MSI2: variants seen among roughly 807,000 people sequenced by gnomAD.
MSI2 encodes RNA-binding protein Musashi homolog 2.
MSI2 carries 17 observed loss-of-function variants against 45.6 expected under a neutral mutation model. That is an observed-to-expected ratio of 0.37 (90% confidence interval 0.26 to 0.56). The LOEUF (loss-of-function observed/expected upper bound fraction) is 0.56. Among genes scored for constraint, MSI2 ranks in the 20% least tolerant of loss-of-function variants. MSI2 has a pLI of 0.77. For missense variants in MSI2, 293 were observed against 444.2 expected, an observed-to-expected ratio of 0.66 and a Z score of 3.06; for synonymous variants, 156 against 158.2, an observed-to-expected ratio of 0.99 and a Z score of 0.11.
At chr17:57,678,787 C>T (rs1012492845) in intron 13 of MSI2, among the ~76,000 whole-genome samples, 2 of 152,208 alleles carry the variant, frequency 1.3e-5, no homozygotes, top group African/African-American at 4.8e-5. Flanking sequence ...TAGCAACTCA[C>T]CCCCTTCCAA....
At chr17:57,308,096 G>T (rs1461002100) in intron 5 of MSI2, among the ~76,000 whole-genome samples, 1 of 152,164 alleles carries the variant, frequency 6.6e-6, no homozygotes, top group African/African-American at 2.4e-5. Flanking sequence ...TGGAGTCCTG[G>T]CCCCACCATT....
intron 6 of MSI2, among the ~76,000 whole-genome samples, chr17:57,528,102 C>T (rs1427710075): frequency 6.6e-6 from 1 of 150,448 alleles, no homozygotes; most frequent in African/African-American, 2.4e-5. Flanking sequence ...AGTTTTACCC[C>T]CCCTACAGCC....
chr17:57,376,478 C>T (rs2083498572), intron 5 of MSI2, among the ~76,000 whole-genome samples: 1 of 152,188 alleles, frequency 6.6e-6, no homozygotes, highest in African/African-American at 2.4e-5. Context: ...CCCTGAAGGG[C>T]ACACAGTCAA....
chr17:57,516,462 T>C (rs1235501605), intron 6 of MSI2, among the ~76,000 whole-genome samples: 1 of 152,122 alleles, frequency 6.6e-6, no homozygotes, highest in African/African-American at 2.4e-5. Flanking sequence ...ATGCGACCCA[T>C]TGCATCACAG....
At chr17:57,263,816 C>T (rs1033118771) in intron 5 of MSI2, 1 of 152,218 alleles carries the variant, frequency 6.6e-6, no homozygotes, top group African/African-American at 2.4e-5. Context: ...CTTTCCCAAC[C>T]CTCAACTCCA....
chr17:57,561,059 G>A (rs930747641), intron 7 of MSI2, among the ~76,000 whole-genome samples: 1 of 152,170 alleles, frequency 6.6e-6, no homozygotes, highest in Non-Finnish European at 1.5e-5. Context: ...CGGTGAGGTC[G>A]GTGCCCTCTG....
chr17:57,433,312 T>A (rs576703785), intron 6 of MSI2, among the ~76,000 whole-genome samples: 7 of 152,236 alleles, frequency 4.6e-5, no homozygotes, highest in Non-Finnish European at 8.8e-5. Flanking sequence ...AACATGCTGT[T>A]GGGAGGAGGG....
intron 7 of MSI2, among the ~76,000 whole-genome samples, chr17:57,543,278 G>C (rs12453199): frequency 1.3e-5 from 2 of 152,188 alleles, no homozygotes; most frequent in Non-Finnish European, 1.5e-5. Context: ...GGCTTAAGAG[G>C]GGGGGAAAAT....
At position 57,502,602 on chromosome 17, in the gene MSI2, G is replaced by GATATATATATATATATAT. The variant is rs57142800; in HGVS notation, c.406-27056_406-27039dup. Among the ~76,000 whole-genome samples, 296 of 54,334 alleles carry GATATATATATATATATAT rather than the reference G, an allele frequency of 5.4e-3. 10 individuals carry two copies. Among genetic ancestry groups the GATATATATATATATATAT allele is most frequent in the African/African-American group, 7.3e-3 (127 of 17,342 alleles). 35.6% of individuals were successfully genotyped at this position (54,334 alleles called of 152,430 possible). On this transcript the variant is annotated intron_variant, in intron 6 of 13. Transcript: ENST00000284073. ...CAGGGAATGGAGAAGATGACTCTGA[G>GATATATATATATATATAT]ATATATATATATATATATATATATA... is the stretch of plus-strand genomic sequence containing the variant.
intron 5 of MSI2, among the ~76,000 whole-genome samples, chr17:57,310,395 G>A (rs935673524): frequency 1.8e-4 from 28 of 151,764 alleles, no homozygotes; most frequent in Admixed American, 5.2e-4. Flanking sequence ...GTGCAGTGGC[G>A]TGATCTTGGC....
Position 57,667,438 on chromosome 17 carries a change from G to A in MSI2, c.791-7534G>A, listed in dbSNP as rs533728662. Among the ~76,000 whole-genome samples, 34 of 152,258 alleles carry A rather than the reference G, an allele frequency of 2.2e-4. No individual in the cohort carries two copies. In the East Asian group the frequency reaches 4.1e-3, roughly 18 times the overall value. ...AGAGGGATCAGGAACACCATCCTGC[G>A]TTTGAGACTCGAAGCCTGGTCTGGT... On this transcript the variant is annotated intron_variant, in intron 11 of 13. Transcript: ENST00000284073.
Position 57,549,392 on chromosome 17 carries a change from G to A in MSI2, c.454+19668G>A, listed in dbSNP as rs541415901. Among the ~76,000 whole-genome samples, 8 of 149,928 alleles carry A rather than the reference G, an allele frequency of 5.3e-5. 1 individual carries two copies. Among genetic ancestry groups the A allele is most frequent in the South Asian group, 4.2e-4 (2 of 4,760 alleles). Reference sequence around the variant, plus strand: ...GGGCTGCTGTCCGGCAACTAAAGTCGTGGTTGAGAGTATGGAGAAGGGATA... The same window carrying A: ...GGGCTGCTGTCCGGCAACTAAAGTCATGGTTGAGAGTATGGAGAAGGGATA... On this transcript the variant is annotated intron_variant, in intron 7 of 13. Transcript: ENST00000284073.
At chr17:57,540,279 TTAC>T (rs1567887263) in intron 7 of MSI2, among the ~76,000 whole-genome samples, 2 of 152,332 alleles carry the variant, frequency 1.3e-5, no homozygotes, top group East Asian at 3.8e-4. Flanking sequence ...TATTGTTATT[TTAC>T]TACTAAGAAT....
chr17:57,546,359 T>C (rs2087167392), intron 7 of MSI2, among the ~76,000 whole-genome samples: 1 of 152,290 alleles, frequency 6.6e-6, no homozygotes, highest in East Asian at 1.9e-4. Context: ...TTTTGATAAG[T>C]GCAGCCGAAG....
intron 5 of MSI2, chr17:57,365,105 G>T (rs897882748): frequency 1.3e-5 from 2 of 152,094 alleles, no homozygotes; most frequent in African/African-American, 4.8e-5. Context: ...AAATATTTGC[G>T]ATCTCCAAAC....
intron 5 of MSI2, among the ~76,000 whole-genome samples, chr17:57,334,748 T>G (rs2586227): frequency 0.014 from 2,168 of 151,698 alleles, 52 homozygotes; most frequent in African/African-American, 0.05. Flanking sequence ...GAGCCAAGAT[T>G]GTGCCATTGC....
At chr17:57,430,712 C>T (rs1055197718) in intron 6 of MSI2, among the ~76,000 whole-genome samples, 1 of 152,158 alleles carries the variant, frequency 6.6e-6, no homozygotes, top group African/African-American at 2.4e-5. Flanking sequence ...CCCACTTTTC[C>T]CTGGCCCATG....
chr17:57,482,084 C>G (rs1430305123), intron 6 of MSI2, among the ~76,000 whole-genome samples: 2 of 152,228 alleles, frequency 1.3e-5, no homozygotes, highest in African/African-American at 4.8e-5. Flanking sequence ...TACGTACAAC[C>G]TTCGGCCACA....
chr17:57,462,130 C>G (rs1381533839), intron 6 of MSI2, among the ~76,000 whole-genome samples: 1 of 152,216 alleles, frequency 6.6e-6, no homozygotes, highest in Non-Finnish European at 1.5e-5. Context: ...TTTGGCATTA[C>G]TTGGCTTGTA....
Sources: gnomAD v4.1 joint callset for allele counts (sites outside exome capture counted in the v4.1 genomes callset) on GRCh38, gnomAD v4.1.1 for gene constraint, MANE v1.5 for transcripts, NCBI Gene and HGNC (gene_info 2026-07-23, HGNC 2026-07-21) for gene names.